TRAPPC11: variants seen among roughly 807,000 people sequenced by gnomAD.
TRAPPC11 encodes foie gras homolog.
TRAPPC11 carries 104 observed loss-of-function variants against 151.2 expected under a neutral mutation model. That is an observed-to-expected ratio of 0.69 (90% CI 0.59 to 0.81). The LOEUF is 0.81. TRAPPC11 is among the 30% of genes least tolerant of loss of function. TRAPPC11 has a pLI of 0.00. For synonymous variants in TRAPPC11, 456 were observed against 472.3 expected (o/e 0.97, Z 0.45); for missense variants, 1,230 against 1,349.6 (o/e 0.91, Z 1.39).
chr4:183,661,004 A>G (rs541283791), intron 1 of TRAPPC11, among the ~76,000 whole-genome samples: 5 of 151,898 alleles, frequency 3.3e-5, no homozygotes, highest in African/African-American at 7.2e-5. Context: ...GAGCCGCTGT[A>G]CCCAGCCTGG....
chr4:183,700,898 A>T (rs1333464571), intron 25 of TRAPPC11: 1 of 152,174 alleles, frequency 6.6e-6, no homozygotes, highest in African/African-American at 2.4e-5. Context: ...CCCAGGCTGG[A>T]GTGCAGTGGC....
chr4:183,672,960 A>ATTTTT lies in TRAPPC11; in HGVS notation c.561-1737_561-1733dup, dbSNP rs35637688. ...GTGCCTTGTTGCTACCCGTTCGCAA[A>ATTTTT]TTTTTTTTTTTTTTTTTTTTGAGAT... On this transcript the variant is annotated intron_variant, in intron 5 of 29. Coordinates refer to ENST00000334690, the MANE Select transcript of TRAPPC11 (RefSeq NM_021942.6). Among the ~76,000 whole-genome samples the ATTTTT allele has an allele frequency of 2.3e-5, 3 of 131,026 alleles. 1 individual carries two copies. Among genetic ancestry groups the ATTTTT allele is most frequent in the African/African-American group, 5.8e-5 (2 of 34,358 alleles). 86.0% of individuals were successfully genotyped at this position (131,026 alleles called of 152,430 possible).
intron 29 of TRAPPC11, 94 bp from the exon 30 acceptor site, chr4:183,712,506 A>G (rs1262449142): frequency 1.6e-6 from 2 of 1,227,046 alleles, no homozygotes; most frequent in African/African-American, 3.0e-5. Flanking sequence ...TTTTTGTAAA[A>G]CAGTTTCAAG....
chr4:183,666,356 G>A lies in TRAPPC11; in HGVS notation c.304G>A (p.Glu102Lys), dbSNP rs1016926154. 1.2e-6 allele frequency: 2 copies of A among 1,614,036 alleles called. No homozygotes were observed. Among genetic ancestry groups the A allele is most frequent in the African/African-American group, 2.7e-5 (2 of 74,936 alleles). Residue 102 changes from glutamate to lysine, a missense_variant, in exon 3 of 30, where the codon GAA becomes AAA. Glu to Lys is a moderately conservative substitution (Grantham distance 56). Coordinates refer to ENST00000334690, the MANE Select transcript of TRAPPC11 (RefSeq NM_021942.6). ...GCCAGCCCTGGTGGTTGTGTTCTATGAACTGGACTGGGATGAGCCTCAGTG... is the reference window on the plus strand; with the variant it reads ...GCCAGCCCTGGTGGTTGTGTTCTATAAACTGGACTGGGATGAGCCTCAGTG... ...LVPALVVVFY[E>K]LDWDEPQWKE...
At chr4:183,660,910 C>T (rs6552696) in intron 1 of TRAPPC11, among the ~76,000 whole-genome samples, 52,978 of 151,420 alleles carry the variant, frequency 0.35, 10,674 homozygotes, top group African/African-American at 0.52. Flanking sequence ...GACGGGGTTT[C>T]ACCCTATTGG....
At chr4:183,663,766 TTTGC>T in intron 1 of TRAPPC11, 77 bp from the exon 2 acceptor site, 1 of 621,390 alleles carries the variant, frequency 1.6e-6, no homozygotes, top group African/African-American at 1.9e-5. Flanking sequence ...GAGACAGAGT[TTTGC>T]TCTTGTTGCC....
rs569100355 is a variant in TRAPPC11, at chr4:183,690,476, C to T, written c.1894-840C>T. On this transcript the variant is annotated intron_variant, in intron 18 of 29. Transcript: ENST00000334690. ...TCTTCTGGGAAGGCAGATGCACATT[C>T]ACTTTGGGACGTGCTGAGTTTCAGT... Among the ~76,000 whole-genome samples, 10 of 152,300 alleles carry T rather than the reference C, an allele frequency of 6.6e-5. No individual in the cohort carries two copies. In the East Asian group the frequency reaches 1.9e-3, roughly 29 times the overall value.
At chr4:183,695,486 C>T (rs1422393815) in intron 23 of TRAPPC11, among the ~76,000 whole-genome samples, 2 of 152,158 alleles carry the variant, frequency 1.3e-5, no homozygotes, top group Non-Finnish European at 2.9e-5. Flanking sequence ...CAACTGCTAA[C>T]TCTTTGTGTT....
intron 23 of TRAPPC11, among the ~76,000 whole-genome samples, 166 bp downstream of exon 23, chr4:183,694,889 T>C (rs993237820): frequency 7.9e-5 from 12 of 152,098 alleles, no homozygotes; most frequent in African/African-American, 2.9e-4. Flanking sequence ...TGAGATTTGT[T>C]TAGGCTGGCA....
At chr4:183,684,454 A>G in intron 14 of TRAPPC11, 95 bp downstream of exon 14, 4 of 1,199,060 alleles carry the variant, frequency 3.3e-6, no homozygotes, top group Admixed American at 2.2e-5. Context: ...GTATTTTCAT[A>G]TTTATTTCTA....
At chr4:183,690,339 A>G (rs2111057892) in intron 18 of TRAPPC11, among the ~76,000 whole-genome samples, 1 of 152,364 alleles carries the variant, frequency 6.6e-6, no homozygotes, top group Admixed American at 6.5e-5. Context: ...ATATGCTGGA[A>G]TAGAAGATGG....
intron 28 of TRAPPC11, 91 bp from the exon 29 acceptor site, chr4:183,708,316 C>A: frequency 1.5e-6 from 2 of 1,351,000 alleles, no homozygotes; most frequent in East Asian, 2.4e-5. Flanking sequence ...TTTGGTTATC[C>A]AATCTTTTGT....
intron 1 of TRAPPC11, among the ~76,000 whole-genome samples, chr4:183,662,928 A>AT (rs1734632329): frequency 6.6e-6 from 1 of 152,054 alleles, no homozygotes; most frequent in African/African-American, 2.4e-5. Context: ...AACATGAAAG[A>AT]TTTTTTCTTA....
intron 27 of TRAPPC11, chr4:183,705,810 C>T (rs2111098373): frequency 6.6e-6 from 1 of 152,296 alleles, no homozygotes; most frequent in Non-Finnish European, 1.5e-5. Flanking sequence ...TGTGCTCCCA[C>T]CAGGAGGCAG....
chr4:183,668,269 G>A (rs111667132), intron 5 of TRAPPC11, 152 bp downstream of exon 5: 4 of 493,914 alleles, frequency 8.1e-6, no homozygotes, highest in African/African-American at 4.0e-5. Context: ...AGTCTTTTTT[G>A]TTAAATTCTT....
chr4:183,678,682 A>G (rs1044050113), intron 8 of TRAPPC11, among the ~76,000 whole-genome samples: 1 of 152,226 alleles, frequency 6.6e-6, no homozygotes, highest in Non-Finnish European at 1.5e-5. Context: ...ATCAGGAAGC[A>G]TATGGCAGAA....
chr4:183,679,286 T>C, intron 8 of TRAPPC11, 67 bp from the exon 9 acceptor site: 4 of 1,387,800 alleles, frequency 2.9e-6, no homozygotes, highest in Non-Finnish European at 3.8e-6. Flanking sequence ...CAAAATAGTT[T>C]TTAAATGAAT....
At chr4:183,681,016 T>A (rs1015881180) in intron 10 of TRAPPC11, among the ~76,000 whole-genome samples, 2 of 147,244 alleles carry the variant, frequency 1.4e-5, no homozygotes, top group Non-Finnish European at 2.9e-5. Flanking sequence ...CTCTTAAGAG[T>A]CTGTTTGAGG....
chr4:183,687,284 T>A (rs557395898), intron 18 of TRAPPC11, among the ~76,000 whole-genome samples: 17 of 16,126 alleles, frequency 1.1e-3, no homozygotes, highest in African/African-American at 3.6e-3. Context: ...TCTTAAGAAT[T>A]CTCTGTGTGT....
Sources: allele counts gnomAD v4.1 joint callset (sites outside exome capture counted in the v4.1 genomes callset), GRCh38; gene constraint gnomAD v4.1.1; transcripts MANE v1.5; gene names NCBI Gene and HGNC (gene_info 2026-07-23, HGNC 2026-07-21).